GANAB: variants seen among roughly 807,000 people sequenced by gnomAD.
The protein encoded by GANAB is glucosidase II alpha subunit, also known as neutral alpha-glucosidase AB.
In GANAB, 35 loss-of-function variants were observed where a neutral mutation model predicts 129.9. The ratio of observed to expected loss-of-function variants is 0.27; its 90% CI spans 0.21 to 0.36. The LOEUF (loss-of-function observed/expected upper bound fraction) is 0.36. Among genes scored for constraint, GANAB ranks in the 10% least tolerant of loss-of-function variants. GANAB has a pLI of 1.00. For synonymous variants in GANAB, 482 were observed against 451.8 expected (o/e 1.07, Z -0.85); for missense variants, 939 against 1,221.0 (o/e 0.77, Z 3.44).
Position 62,632,633 on chromosome 11 carries a change from C to A in GANAB, c.928G>T (p.Asp310Tyr). ...PVLLAHNPHR[D>Y]LGIFWLNAAE... ...GCATTGAGCCAGAAGATGCCCAAGTCGCGATGAGGGTTGTGTGCCAGGAGC... is the reference window on the plus strand; with the variant it reads ...GCATTGAGCCAGAAGATGCCCAAGTAGCGATGAGGGTTGTGTGCCAGGAGC... The change falls in exon 9 of 24, where the codon GAC (aspartate) becomes TAC (tyrosine). Residue 310 changes from aspartate to tyrosine, a missense_variant. By Grantham distance (160) the Asp-to-Tyr change is radical. Around this residue, in one of 5 missense-constraint regions of GANAB, gnomAD observed 220 missense variants for 295.9 expected, o/e 0.74. Transcript: ENST00000356638. 1.2e-6 allele frequency: 2 copies of A among 1,614,028 alleles called. No homozygotes were observed. The highest frequency in any genetic ancestry group is 1.1e-5 in the South Asian group (1 of 91,078).
intron 1 of GANAB, among the ~76,000 whole-genome samples, chr11:62,646,183 C>T (rs893914909): frequency 7.9e-5 from 12 of 152,072 alleles, no homozygotes; most frequent in Non-Finnish European, 1.6e-4. Flanking sequence ...GGGCCGCAGG[C>T]TGCATTCCCC....
chr11:62,629,117 T>C, intron 16 of GANAB, 77 bp downstream of exon 16: 1 of 1,538,100 alleles, frequency 6.5e-7, no homozygotes, highest in East Asian at 2.3e-5. Flanking sequence ...TCTCTTTGCT[T>C]ACAACACCTT....
Position 62,627,299 on chromosome 11 carries a change from C to T in GANAB, c.2235G>A (p.Gln745=), listed in dbSNP as rs1383519714. ...ATCCTCATTTCTCACCAAGCAAGTA[C>T]TGATCATCTATATTGAAGGTAGTCA... is the stretch of plus-strand genomic sequence containing the variant. ...QDVTTFNIDD[Q]YLLGDALLVH... is the part of the protein sequence containing the mutation. Residue 745 remains glutamine, a synonymous_variant, in exon 18 of 24, where the codon CAG becomes CAA. Coordinates refer to ENST00000356638, the MANE Select transcript of GANAB (RefSeq NM_198334.3). 2.5e-6 allele frequency: 4 copies of T among 1,575,830 alleles called. No homozygotes were observed. Among genetic ancestry groups the T allele is most frequent in the African/African-American group, 2.7e-5 (2 of 74,126 alleles).
rs772522366 is a variant in GANAB at position 62,626,840 on chromosome 11, G to A, written c.2397+20C>T. On this transcript the variant is annotated intron_variant, in intron 20 of 23. Transcript: ENST00000356638. ...AATTTACAGGGAGATGGAACCGGCA[G>A]CCAGACCAGGCTTACTCACACTGCT... The A allele has an allele frequency of 6.3e-7, 1 of 1,579,124 alleles. No homozygotes were observed. Among genetic ancestry groups the A allele is most frequent in the Admixed American group, 1.7e-5 (1 of 59,214 alleles).
chr11:62,639,847 G>A, intron 1 of GANAB, 116 bp from the exon 2 acceptor site: 2 of 689,012 alleles, frequency 2.9e-6, no homozygotes, highest in South Asian at 3.3e-5. Flanking sequence ...AAAGAGGGGA[G>A]AAAGATGTAG....
chr11:62,629,892 C>T lies in GANAB; in HGVS notation c.1659G>A (p.Glu553=), dbSNP rs1943582597. 3.7e-6 allele frequency: 6 copies of T among 1,613,978 alleles called. No individual in the cohort carries two copies. In the Admixed American group the frequency reaches 8.3e-5, roughly 22 times the overall value. ...GCTGGGCATCCTTGAGCATGGTGAC[C>T]TCAGGACCATTGAACACAGATGGTT... ...MNEPSVFNGP[E]VTMLKDAQHY... Residue 553 remains glutamate, a synonymous_variant, in exon 14 of 24, where the codon GAG becomes GAA. Coordinates refer to ENST00000356638, the MANE Select transcript of GANAB (RefSeq NM_198334.3).
At position 62,640,011 on chromosome 11, in the gene GANAB, G is replaced by A. The variant is rs9736354; in HGVS notation, c.39-280C>T. On this transcript the variant is annotated intron_variant, in intron 1 of 23. Transcript: ENST00000356638. ...AGCACTTTGGGAGGCTGCGGCGGGC[G>A]GATCACGAGGTCAGGAGATCAAGAC... The A allele has an allele frequency of 0.26, 87,195 of 332,436 alleles. 12,650 individuals carry two copies. The highest frequency in any genetic ancestry group is 0.32 in the Non-Finnish European group (56,145 of 175,940). 20.6% of individuals were successfully genotyped at this position (332,436 alleles called of 1,614,324 possible).
chr11:62,642,916 T>C (rs1944329409), intron 1 of GANAB, among the ~76,000 whole-genome samples: 1 of 152,178 alleles, frequency 6.6e-6, no homozygotes, highest in South Asian at 2.1e-4. Context: ...CAAGATTAAA[T>C]AGCTGGTAAG....
Position 62,626,611 on chromosome 11 carries a change from T to A in GANAB, c.2471A>T (p.Lys824Met), listed in dbSNP as rs1455140621. The A allele has an allele frequency of 6.2e-7, 1 of 1,612,178 alleles. No individual in the cohort carries two copies. The highest frequency in any genetic ancestry group is 1.7e-5 in the Admixed American group (1 of 59,916). Residue 824 changes from lysine (K) to methionine (M), a missense_variant, in exon 21 of 24, where the codon AAG becomes ATG. Lys to Met is a moderately conservative substitution (Grantham distance 95). Around this residue, in one of 5 missense-constraint regions of GANAB, gnomAD observed 230 missense variants for 259.9 expected, o/e 0.89. Coordinates refer to ENST00000356638, the MANE Select transcript of GANAB (RefSeq NM_198334.3). ...AACAAAGAGAGTGATGGGGTCATCC[T>A]TCATACATTCTGAAGACCGCCGCAC... The part of the protein sequence containing the change: ...MRVRRSSECM[K>M]DDPITLFVAL...
chr11:62,637,623 T>G (rs538191758), intron 4 of GANAB, among the ~76,000 whole-genome samples: 161 of 152,280 alleles, frequency 1.1e-3, no homozygotes, highest in Non-Finnish European at 1.7e-3. Context: ...ACCCCAAGGC[T>G]TATCAACCTA....
chr11:62,625,717 G>T lies in GANAB; in HGVS notation c.*98C>A. 1.3e-6 allele frequency: 1 copy of T among 783,424 alleles called. No homozygotes were observed. Among genetic ancestry groups the T allele is most frequent in the African/African-American group, 1.7e-5 (1 of 59,486 alleles). The allele number at this position is 783,424 out of a possible 1,614,324, so 48.5% of individuals were successfully genotyped here. A position where few individuals can be genotyped will look rare whatever the true frequency, so the allele number is the denominator to read the frequency against. On this transcript the variant is annotated 3_prime_UTR_variant, in exon 24 of 24. Transcript: ENST00000356638. Reference sequence around the variant, plus strand: ...GAATCTGGGTCTTAGACTAGCATAAGTGAAGTCTGGGGAGGGCCGAACTCC... The same window carrying T: ...GAATCTGGGTCTTAGACTAGCATAATTGAAGTCTGGGGAGGGCCGAACTCC...
chr11:62,626,026 C>A (rs185278436), intron 23 of GANAB, 39 bp downstream of exon 23: 2 of 1,534,686 alleles, frequency 1.3e-6, no homozygotes, highest in Admixed American at 3.3e-5. Flanking sequence ...CCCGGCTTCC[C>A]CTCCTTCCCC....
intron 5 of GANAB, chr11:62,634,164 C>T: frequency 1.6e-6 from 1 of 606,326 alleles, no homozygotes; most frequent in South Asian, 2.2e-5. Flanking sequence ...GCCAGGGTAA[C>T]AGGTAACAGG....
At chr11:62,640,030 TC>T in intron 1 of GANAB, 1 of 297,798 alleles carries the variant, frequency 3.4e-6, no homozygotes, top group Non-Finnish European at 6.4e-6. Context: ...GGTCAGGAGA[TC>T]AAGACCATCC....
chr11:62,627,330 T>C lies in GANAB; in HGVS notation c.2204A>G (p.Gln735Arg). 2 of 1,573,940 alleles carry C rather than the reference T, an allele frequency of 1.3e-6. No individual in the cohort carries two copies. Among genetic ancestry groups the C allele is most frequent in the African/African-American group, 1.3e-5 (1 of 74,204 alleles). The change falls in exon 18 of 24, where the codon CAG becomes CGG. Residue 735 changes from glutamine (Q) to arginine (R), a missense_variant. Gln to Arg is a conservative substitution (Grantham distance 43, BLOSUM62 1). Transcript: ENST00000356638. ...VMRPLWVQYP[Q>R]DVTTFNIDDQ... ...ATCTATATTGAAGGTAGTCACATCCTGAGGGTACTGCACCCACAGGGGCCT... is the reference window on the plus strand; with the variant it reads ...ATCTATATTGAAGGTAGTCACATCCCGAGGGTACTGCACCCACAGGGGCCT...
chr11:62,627,034 C>T lies in GANAB; in HGVS notation c.2322+14G>A. The stretch of plus-strand genomic sequence containing the variant: ...TTCCACCATCTTTCCCCACCATGCC[C>T]TTCCTTAACTCACCTCCCCTTGGCC... On this transcript the variant is annotated intron_variant, in intron 19 of 23. Coordinates refer to ENST00000356638, the MANE Select transcript of GANAB (RefSeq NM_198334.3). The T allele has an allele frequency of 6.2e-7, 1 of 1,610,070 alleles. No individual in the cohort carries two copies. Among genetic ancestry groups the T allele is most frequent in the Non-Finnish European group, 8.5e-7 (1 of 1,176,354 alleles).
At chr11:62,643,199 C>A (rs1236962815) in intron 1 of GANAB, among the ~76,000 whole-genome samples, 1 of 152,210 alleles carries the variant, frequency 6.6e-6, no homozygotes. Flanking sequence ...CAGAGATTCT[C>A]AAATTTTAAT....
intron 17 of GANAB, among the ~76,000 whole-genome samples, chr11:62,627,558 C>A (rs1440347196): frequency 6.6e-6 from 1 of 151,964 alleles, no homozygotes; most frequent in Non-Finnish European, 1.5e-5. Flanking sequence ...ATGGTGAAAC[C>A]CCGTCTCTAC....
At chr11:62,645,402 G>A (rs1944433877) in intron 1 of GANAB, among the ~76,000 whole-genome samples, 1 of 152,102 alleles carries the variant, frequency 6.6e-6, no homozygotes, top group Non-Finnish European at 1.5e-5. Context: ...CAGGCGTGGT[G>A]GCGGGTGCCT....
Sources: gnomAD v4.1 joint callset for allele counts (sites outside exome capture counted in the v4.1 genomes callset) on GRCh38, gnomAD v4.1.1 for gene constraint, gnomAD v4.1.1 regional missense constraint, MANE v1.5 for transcripts, NCBI Gene and HGNC (gene_info 2026-07-23, HGNC 2026-07-21) for gene names.